Variants in HECW2 observed in about 807,000 individuals in gnomAD.
HECW2 encodes the protein E3 ubiquitin-protein ligase HECW2.
A neutral mutation model predicts 175.2 loss-of-function variants in HECW2; 61 were observed. The observed-to-expected ratio is 0.35, with a 90% CI of 0.28 to 0.43. The LOEUF (loss-of-function observed/expected upper bound fraction) is 0.43. HECW2 is among the 20% of genes least tolerant of loss of function. The probability of loss-of-function intolerance (pLI) is 1.00; values close to 1 mark genes in which losing one functional copy is unlikely to be tolerated. For synonymous variants in HECW2, 671 were observed against 731.0 expected (o/e 0.92, Z 1.32); for missense variants, 1,524 against 2,000.5 (o/e 0.76, Z 4.54).
intron 1 of HECW2, among the ~76,000 whole-genome samples, chr2:196,506,495 G>T (rs1687765555): frequency 6.6e-6 from 1 of 151,788 alleles, no homozygotes; most frequent in Non-Finnish European, 1.5e-5. Flanking sequence ...GTATACACAG[G>T]GTTCTTCCCA....
intron 1 of HECW2, among the ~76,000 whole-genome samples, chr2:196,533,331 T>C (rs376792863): frequency 1.3e-5 from 2 of 152,322 alleles, no homozygotes; most frequent in East Asian, 3.9e-4. Flanking sequence ...AGTGTTAAGT[T>C]TCTAGCATAA....
chr2:196,409,919 C>T (rs1358699683), intron 2 of HECW2, among the ~76,000 whole-genome samples: 1 of 152,154 alleles, frequency 6.6e-6, no homozygotes, highest in African/African-American at 2.4e-5. Context: ...ACCCACAAAA[C>T]CTGGCACAAG....
intron 1 of HECW2, among the ~76,000 whole-genome samples, chr2:196,434,464 C>A (rs1320638047): frequency 6.6e-6 from 1 of 152,118 alleles, no homozygotes; most frequent in Non-Finnish European, 1.5e-5. Flanking sequence ...TAGACAGCCC[C>A]TTTTTGGCTC....
intron 1 of HECW2, among the ~76,000 whole-genome samples, chr2:196,568,268 C>A (rs1378201442): frequency 6.6e-6 from 1 of 152,104 alleles, no homozygotes; most frequent in Non-Finnish European, 1.5e-5. Context: ...TCTGTATTCC[C>A]ATTATATGAA....
intron 2 of HECW2, among the ~76,000 whole-genome samples, chr2:196,420,246 T>A (rs988058395): frequency 2.6e-5 from 4 of 152,246 alleles, no homozygotes; most frequent in African/African-American, 9.6e-5. Flanking sequence ...CAATGCAGTT[T>A]CTCTGAAGTC....
intron 1 of HECW2, among the ~76,000 whole-genome samples, chr2:196,460,398 T>C (rs976648622): frequency 1.3e-5 from 2 of 151,286 alleles, no homozygotes; most frequent in Admixed American, 1.3e-4. Context: ...TAGAAGGCCA[T>C]CTCATCTACA....
chr2:196,401,917 C>T (rs1694826616), intron 2 of HECW2, among the ~76,000 whole-genome samples: 1 of 152,032 alleles, frequency 6.6e-6, no homozygotes, highest in African/African-American at 2.4e-5. Flanking sequence ...AGAAGGGAAA[C>T]TTGCCAGGCG....
At chr2:196,519,245 C>T (rs1688258584) in intron 1 of HECW2, among the ~76,000 whole-genome samples, 1 of 152,174 alleles carries the variant, frequency 6.6e-6, no homozygotes, top group Non-Finnish European at 1.5e-5. Context: ...CTGAAACTCC[C>T]CATTTCACAT....
Position 196,484,250 on chromosome 2 carries a change from T to A in HECW2, c.-35-50792A>T, listed in dbSNP as rs1183542579. 2.0e-5 allele frequency among the ~76,000 whole-genome samples: 3 copies of A among 152,172 alleles called. No individual in the cohort carries two copies. In the East Asian group the frequency reaches 5.8e-4, roughly 29 times the overall value. On this transcript the variant is annotated intron_variant, in intron 1 of 28. Transcript: ENST00000644978. ...TTCCATGTATATTACTATTAAGATG[T>A]TTAGGAACTTTTTAAAACCTTGCTA...
intron 2 of HECW2, among the ~76,000 whole-genome samples, chr2:196,383,341 G>A (rs1172764981): frequency 1.3e-5 from 2 of 152,124 alleles, no homozygotes; most frequent in Non-Finnish European, 2.9e-5. Flanking sequence ...TACAATAATG[G>A]CACTCAGAAA....
intron 1 of HECW2, among the ~76,000 whole-genome samples, chr2:196,583,348 T>G (rs1559188170): frequency 1.3e-5 from 2 of 152,216 alleles, no homozygotes; most frequent in Non-Finnish European, 2.9e-5. Flanking sequence ...TTTCCACACT[T>G]ACTTCTCTTT....
intron 27 of HECW2, 50 bp downstream of exon 27, chr2:196,216,958 C>G (rs1687496674): frequency 8.1e-7 from 1 of 1,234,536 alleles, no homozygotes; most frequent in South Asian, 1.6e-5. Context: ...CATACACTTC[C>G]AACAATAATC....
chr2:196,353,027 T>A (rs889989070), intron 2 of HECW2, among the ~76,000 whole-genome samples: 7 of 152,216 alleles, frequency 4.6e-5, no homozygotes, highest in African/African-American at 1.7e-4. Context: ...TATGATGGCT[T>A]GCAGTGTCCA....
chr2:196,500,374 T>C (rs1000849547), intron 1 of HECW2, among the ~76,000 whole-genome samples: 1 of 152,142 alleles, frequency 6.6e-6, no homozygotes, highest in African/African-American at 2.4e-5. Context: ...CTTACATACA[T>C]ACATGCATAC....
Position 196,257,871 on chromosome 2 carries a change from G to T in HECW2, c.3371C>A (p.Pro1124Gln), listed in dbSNP as rs1263333951. The T allele has an allele frequency of 2.2e-5, 36 of 1,613,832 alleles. No homozygotes were observed. The highest frequency in any genetic ancestry group is 3.0e-5 in the Non-Finnish European group (35 of 1,179,920). ...KIQFIRTEGTPGLVRLSSDAD... is the reference protein window; with the variant it reads ...KIQFIRTEGTQGLVRLSSDAD... Reference sequence around the variant, plus strand: ...ATCGCTTGAAAGGCGCACCAATCCTGGAGTCCCTTCAGTTCGGATAAATTG... The same window carrying T: ...ATCGCTTGAAAGGCGCACCAATCCTTGAGTCCCTTCAGTTCGGATAAATTG... Residue 1124 changes from proline to glutamine, a missense_variant, in exon 18 of 29, where the codon CCA becomes CAA. Pro to Gln is a moderately conservative substitution (Grantham distance 76). This residue lies in a region of HECW2 where 291 missense variants were observed against 412.2 expected (regional missense o/e 0.71). Coordinates refer to ENST00000644978, the MANE Select transcript of HECW2 (RefSeq NM_001348768.2).
chr2:196,553,677 T>G (rs920516360), intron 1 of HECW2, among the ~76,000 whole-genome samples: 3 of 152,186 alleles, frequency 2.0e-5, no homozygotes, highest in African/African-American at 7.2e-5. Flanking sequence ...GCATTTAAAC[T>G]CTGATTTGCG....
intron 17 of HECW2, chr2:196,262,917 G>A (rs116793535): frequency 6.6e-6 from 1 of 152,182 alleles, no homozygotes; most frequent in East Asian, 1.9e-4. Context: ...TACCTGATAA[G>A]TGCTTAGTAA....
intron 1 of HECW2, among the ~76,000 whole-genome samples, chr2:196,518,172 A>G (rs980099982): frequency 1.3e-5 from 2 of 152,162 alleles, no homozygotes; most frequent in African/African-American, 4.8e-5. Flanking sequence ...AAGCTTTGTG[A>G]TGATGTTACA....
chr2:196,575,873 A>T (rs554666329), intron 1 of HECW2, among the ~76,000 whole-genome samples: 2 of 152,200 alleles, frequency 1.3e-5, no homozygotes, highest in Non-Finnish European at 2.9e-5. Context: ...CTCTTGCATG[A>T]ACTAACAGAG....
Sources: gnomAD v4.1 joint callset for allele counts (sites outside exome capture counted in the v4.1 genomes callset) on GRCh38, gnomAD v4.1.1 for gene constraint, gnomAD v4.1.1 regional missense constraint, MANE v1.5 for transcripts, NCBI Gene and HGNC (gene_info 2026-07-23, HGNC 2026-07-21) for gene names.